SMARCAD1: variants seen among roughly 807,000 people sequenced by gnomAD.
SMARCAD1 encodes SWI/SNF-related matrix-associated actin-dependent regulator of chromatin subfamily A containing DEAD/H box 1.
In SMARCAD1, 25 loss-of-function variants were observed where a neutral mutation model predicts 127.1. The observed-to-expected ratio is 0.20, with a 90% CI of 0.14 to 0.27. The LOEUF (loss-of-function observed/expected upper bound fraction) is 0.27. Ranked by LOEUF, SMARCAD1 falls within the 10% of genes least tolerant of loss-of-function variation. SMARCAD1 has a pLI of 1.00. For synonymous variants in SMARCAD1, 400 were observed against 396.9 expected, an observed-to-expected ratio of 1.01 and a Z score of -0.09; for missense variants, 807 against 1,206.0, an observed-to-expected ratio of 0.67 and a Z score of 4.90.
chr4:94,236,968 G>A lies in SMARCAD1; in HGVS notation c.554G>A (p.Ser185Asn), dbSNP rs1294382540. The A allele has an allele frequency of 5.0e-6, 8 of 1,613,094 alleles. No homozygotes were observed. Among genetic ancestry groups the A allele is most frequent in the Non-Finnish European group, 6.8e-6 (8 of 1,179,476 alleles). Reference protein sequence around the residue: ...NDLLKLIESTSTMDGAIAAAL... With the variant: ...NDLLKLIESTNTMDGAIAAAL... ...TTCTGTTAGTTGATTGAATCAACAA[G>A]CACTATGGATGGAGCAATTGCTGCT... Residue 185 changes from serine (S) to asparagine (N), a missense_variant, in exon 5 of 24, where the codon AGC (serine) becomes AAC (asparagine). Ser to Asn is a conservative substitution (Grantham distance 46). Coordinates refer to ENST00000354268, the MANE Select transcript of SMARCAD1 (RefSeq NM_020159.5).
chr4:94,208,797 C>T (rs1228879086), intron 2 of SMARCAD1, among the ~76,000 whole-genome samples: 1 of 152,080 alleles, frequency 6.6e-6, no homozygotes, highest in Non-Finnish European at 1.5e-5. Context: ...ATGAGTTCTT[C>T]GAATATGGCC....
At chr4:94,269,360 G>A (rs1752198896) in intron 10 of SMARCAD1, among the ~76,000 whole-genome samples, 2 of 152,146 alleles carry the variant, frequency 1.3e-5, no homozygotes, top group African/African-American at 4.8e-5. Flanking sequence ...GGGAGGCATG[G>A]CCTTGTCCTA....
chr4:94,251,050 T>C (rs914960569), intron 8 of SMARCAD1, among the ~76,000 whole-genome samples: 1 of 152,214 alleles, frequency 6.6e-6, no homozygotes, highest in African/African-American at 2.4e-5. Flanking sequence ...AAACAATAAA[T>C]ATCTTTTTCT....
In SMARCAD1 at chr4:94,289,832, C is replaced by T. The variant is rs1470028092; in HGVS notation, c.*298C>T. The T allele has an allele frequency of 2.0e-6, 1 of 507,362 alleles. No homozygotes were observed. The highest frequency in any genetic ancestry group is 5.3e-5 in the East Asian group (1 of 19,006). 31.4% of individuals were successfully genotyped at this position (507,362 alleles called of 1,614,324 possible). On this transcript the variant is annotated 3_prime_UTR_variant, in exon 24 of 24. Transcript: ENST00000354268. ...ATTGTTTGTAACAAATATGCTAATG[C>T]TTTAGAAATGTCAGTATTTTTGTAA... is the stretch of plus-strand genomic sequence containing the variant.
At chr4:94,251,343 T>A (rs971641424) in intron 8 of SMARCAD1, among the ~76,000 whole-genome samples, 1 of 152,194 alleles carries the variant, frequency 6.6e-6, no homozygotes, top group African/African-American at 2.4e-5. Context: ...CATACATGTT[T>A]AGTAACATAC....
intron 3 of SMARCAD1, among the ~76,000 whole-genome samples, 187 bp from the exon 4 acceptor site, chr4:94,233,767 T>G (rs1169677639): frequency 6.6e-6 from 1 of 152,118 alleles, no homozygotes. Context: ...CTGATGTTGG[T>G]AATGCAGATT....
chr4:94,223,572 T>TA (rs1744504570), intron 2 of SMARCAD1, among the ~76,000 whole-genome samples: 1 of 151,406 alleles, frequency 6.6e-6, no homozygotes, highest in Non-Finnish European at 1.5e-5. Flanking sequence ...CTTTCCTTTT[T>TA]CTTTTTTTTT....
rs372654218 is a variant in SMARCAD1 at position 94,264,976 on chromosome 4, A to G, written c.1481+70A>G. On this transcript the variant is annotated intron_variant, in intron 10 of 23. Transcript: ENST00000354268. ...ACAAAATATCTGAATTTATTTCTGTATCGTGCCTAGAAAGTGATATGGCAA... is the reference window on the plus strand; with the variant it reads ...ACAAAATATCTGAATTTATTTCTGTGTCGTGCCTAGAAAGTGATATGGCAA... The G allele has an allele frequency of 3.3e-5, 48 of 1,468,016 alleles. No individual in the cohort carries two copies. The East Asian group carries it at 1.0e-3, about 32-fold the overall frequency. 90.9% of individuals were successfully genotyped at this position (1,468,016 alleles called of 1,614,324 possible).
In SMARCAD1 at chr4:94,275,960, G is replaced by A. The variant is rs557317290; in HGVS notation, c.1809-379G>A. On this transcript the variant is annotated intron_variant, in intron 14 of 23. Coordinates refer to ENST00000354268, the MANE Select transcript of SMARCAD1 (RefSeq NM_020159.5). ...CTACAGGCGCCCACCACCACACCCGGCTAATTTTTTATATTTTTAGTAGAG... is the reference window on the plus strand; with the variant it reads ...CTACAGGCGCCCACCACCACACCCGACTAATTTTTTATATTTTTAGTAGAG... Among the ~76,000 whole-genome samples, 3 of 151,892 alleles carry A rather than the reference G, an allele frequency of 2.0e-5. No homozygotes were observed. In the South Asian group the frequency reaches 6.3e-4, roughly 32 times the overall value.
In SMARCAD1 at chr4:94,208,326, T is replaced by C; in HGVS notation, c.-49-20T>C. The C allele has an allele frequency of 6.6e-7, 1 of 1,521,386 alleles. No individual in the cohort carries two copies. The highest frequency in any genetic ancestry group is 1.1e-5 in the South Asian group (1 of 89,050). 94.2% of individuals were successfully genotyped at this position (1,521,386 alleles called of 1,614,324 possible). On this transcript the variant is annotated intron_variant, in intron 1 of 23. Transcript: ENST00000354268. ...ATTGTTTTCATGGCCTTTTTTCCTCTCTTTATTTTTCCCCTGCAGATAGTT... is the reference window on the plus strand; with the variant it reads ...ATTGTTTTCATGGCCTTTTTTCCTCCCTTTATTTTTCCCCTGCAGATAGTT...
At chr4:94,288,872 A>G (rs1403393005) in intron 23 of SMARCAD1, among the ~76,000 whole-genome samples, 4 of 152,322 alleles carry the variant, frequency 2.6e-5, no homozygotes, top group Non-Finnish European at 5.9e-5. Flanking sequence ...ACTGTGACAC[A>G]AAGAGATTTA....
chr4:94,228,041 T>A (rs1171804200), intron 3 of SMARCAD1, among the ~76,000 whole-genome samples: 2 of 152,082 alleles, frequency 1.3e-5, no homozygotes, highest in Non-Finnish European at 2.9e-5. Context: ...CTTCTAGAAG[T>A]TAAGTGAAGA....
At chr4:94,215,133 C>G (rs1742961314) in intron 2 of SMARCAD1, among the ~76,000 whole-genome samples, 1 of 152,178 alleles carries the variant, frequency 6.6e-6, no homozygotes, top group South Asian at 2.1e-4. Context: ...GCGCAATACT[C>G]AGTCTTTTTG....
intron 2 of SMARCAD1, among the ~76,000 whole-genome samples, chr4:94,209,004 C>T (rs113541533): frequency 2.2e-4 from 34 of 152,180 alleles, no homozygotes; most frequent in African/African-American, 6.5e-4. Context: ...CTAAAGACAA[C>T]CTCTGTACAC....
intron 6 of SMARCAD1, among the ~76,000 whole-genome samples, chr4:94,247,710 A>T (rs1179546301): frequency 6.6e-6 from 1 of 152,104 alleles, no homozygotes; most frequent in South Asian, 2.1e-4. Context: ...ACCCCTGGCA[A>T]CCGCCAATCT....
chr4:94,283,543 C>T (rs763681907), intron 22 of SMARCAD1, among the ~76,000 whole-genome samples: 3 of 152,052 alleles, frequency 2.0e-5, no homozygotes, highest in Non-Finnish European at 4.4e-5. Context: ...TAACAATTGA[C>T]GGCCGGGCGC....
At chr4:94,274,425 T>TGAG (rs1309269940) in intron 12 of SMARCAD1, among the ~76,000 whole-genome samples, 5 of 152,200 alleles carry the variant, frequency 3.3e-5, no homozygotes, top group African/African-American at 1.2e-4. Context: ...TCCCAGGTTC[T>TGAG]CGTGCCTCAG....
At chr4:94,286,346 T>G (rs1242962295) in intron 23 of SMARCAD1, among the ~76,000 whole-genome samples, 1 of 152,206 alleles carries the variant, frequency 6.6e-6, no homozygotes, top group Non-Finnish European at 1.5e-5. Context: ...TTTATACATT[T>G]GGAGCAAATG....
intron 9 of SMARCAD1, among the ~76,000 whole-genome samples, chr4:94,254,633 C>G (rs1560542978): frequency 6.6e-6 from 1 of 151,986 alleles, no homozygotes; most frequent in African/African-American, 2.4e-5. Context: ...AACATCTTGC[C>G]CCTTTCTAAA....
Sources: allele counts gnomAD v4.1 joint callset (sites outside exome capture counted in the v4.1 genomes callset), GRCh38; gene constraint gnomAD v4.1.1; transcripts MANE v1.5; gene names NCBI Gene and HGNC (gene_info 2026-07-23, HGNC 2026-07-21).